PPP3CA: variants seen among roughly 807,000 people sequenced by gnomAD.
PPP3CA encodes protein phosphatase 3 catalytic subunit alpha, also known as CAM-PRP catalytic subunit.
PPP3CA carries 14 observed loss-of-function variants against 66.5 expected under a neutral mutation model. That is an observed-to-expected ratio of 0.21 (90% confidence interval 0.14 to 0.33). The LOEUF (loss-of-function observed/expected upper bound fraction) is 0.33, where lower values mean the gene tolerates loss of function less well. Ranked by LOEUF, PPP3CA falls within the 10% of genes least tolerant of loss-of-function variation. PPP3CA has a pLI of 1.00. For missense variants in PPP3CA, 317 were observed against 639.5 expected (o/e 0.50, Z 5.44); for synonymous variants, 232 against 226.2 (o/e 1.03, Z -0.23).
chr4:101,065,649 C>T lies in PPP3CA; in HGVS notation c.956-2292G>A, dbSNP rs116233368. 9.6e-3 allele frequency among the ~76,000 whole-genome samples: 1,459 copies of T among 152,214 alleles called. 8 individuals carry two copies. Among genetic ancestry groups the T allele is most frequent in the Non-Finnish European group, 0.016 (1,072 of 67,986 alleles). On this transcript the variant is annotated intron_variant, in intron 8 of 13. Transcript: ENST00000394854. Reference sequence around the variant, plus strand: ...TATTTAAACTCAGCTTTTTCTGACACCAAATTCATTCCCTTTCTTTCATTC... The same window carrying T: ...TATTTAAACTCAGCTTTTTCTGACATCAAATTCATTCCCTTTCTTTCATTC...
chr4:101,196,081 T>C lies in PPP3CA; in HGVS notation c.94A>G (p.Lys32Glu). 1 of 1,614,040 alleles carries C rather than the reference T, an allele frequency of 6.2e-7. No individual in the cohort carries two copies. The highest frequency in any genetic ancestry group is 8.5e-7 in the Non-Finnish European group (1 of 1,179,970). ...TTTCCATCATTATCAAACACTTCTT[T>C]TGCTGTAAGCCGGTGACTTGGAGGA... ...PFPPSHRLTA[K>E]EVFDNDGKPR... The change falls in exon 2 of 14, where the codon AAA becomes GAA. Residue 32 changes from lysine (K) to glutamate (E), a missense_variant. By Grantham distance (56) the Lys-to-Glu change is moderately conservative. This residue lies in a region of PPP3CA where 76 missense variants were observed against 99.5 expected (regional missense o/e 0.76). Coordinates refer to ENST00000394854, the MANE Select transcript of PPP3CA (RefSeq NM_000944.5).
chr4:101,242,391 T>C (rs1398581393), intron 1 of PPP3CA, among the ~76,000 whole-genome samples: 1 of 152,096 alleles, frequency 6.6e-6, no homozygotes, highest in African/African-American at 2.4e-5. Context: ...TTATTTCCAA[T>C]TGAAAACTGG....
intron 12 of PPP3CA, 152 bp from the exon 13 acceptor site, chr4:101,029,347 T>TAAAAAAAAAAAAAAAAAAAAAAAGAA (rs1726818285): frequency 1.3e-5 from 1 of 78,822 alleles, no homozygotes; most frequent in Non-Finnish European, 2.1e-5. Context: ...ACAGAAATGC[T>TAAAAAAAAAAAAAAAAAAAAAAAGAA]AAAAAAAAAA....
rs556325431 is a variant in PPP3CA, at chr4:101,032,378, T to C, written c.1242-14A>G. On this transcript the variant is annotated splice_polypyrimidine_tract_variant and intron_variant, in intron 11 of 13. Transcript: ENST00000394854. ...TCACTCTCTTCTCTGGAAGGCACAA[T>C]GAGGGGCGACATTAACTTTTAATTT... 2 of 1,600,082 alleles carry C rather than the reference T, an allele frequency of 1.2e-6. No individual in the cohort carries two copies. Among genetic ancestry groups the C allele is most frequent in the African/African-American group, 1.3e-5 (1 of 74,686 alleles).
chr4:101,243,296 T>A (rs1726371062), intron 1 of PPP3CA, among the ~76,000 whole-genome samples: 1 of 152,182 alleles, frequency 6.6e-6, no homozygotes, highest in Non-Finnish European at 1.5e-5. Flanking sequence ...TAGTGCATAC[T>A]CTTATTTGTA....
intron 1 of PPP3CA, among the ~76,000 whole-genome samples, chr4:101,326,073 T>C (rs1001008589): frequency 3.9e-5 from 6 of 151,942 alleles, no homozygotes; most frequent in African/African-American, 1.2e-4. Flanking sequence ...GAGGCAGAGG[T>C]TGCAGTGAGC....
chr4:101,048,211 T>A (rs1727852384), intron 10 of PPP3CA, among the ~76,000 whole-genome samples: 1 of 152,146 alleles, frequency 6.6e-6, no homozygotes, highest in African/African-American at 2.4e-5. Flanking sequence ...CGATAAGGCC[T>A]CCAGCCAAGG....
At chr4:101,259,545 A>G (rs1726949673) in intron 1 of PPP3CA, among the ~76,000 whole-genome samples, 1 of 152,190 alleles carries the variant, frequency 6.6e-6, no homozygotes. Context: ...GCTAAAAGTA[A>G]TATTTCTAAG....
intron 1 of PPP3CA, among the ~76,000 whole-genome samples, chr4:101,323,714 T>G (rs995543449): frequency 3.2e-4 from 49 of 152,208 alleles, no homozygotes; most frequent in Non-Finnish European, 5.3e-4. Context: ...TATATAGCAC[T>G]TAGTATGTGT....
chr4:101,177,831 C>CAA lies in PPP3CA; in HGVS notation c.259+18083_259+18084dup, dbSNP rs36034031. Among the ~76,000 whole-genome samples the CAA allele has an allele frequency of 8.7e-4, 126 of 145,272 alleles. 1 individual carries two copies. The highest frequency in any genetic ancestry group is 2.6e-3 in the African/African-American group (103 of 39,916). On this transcript the variant is annotated intron_variant, in intron 2 of 13. Coordinates refer to ENST00000394854, the MANE Select transcript of PPP3CA (RefSeq NM_000944.5). ...CCAGGAATGACTGTTGAATTAAGCACAAAAAAAAAACACAATTCCTATAAC... is the reference window on the plus strand; with the variant it reads ...CCAGGAATGACTGTTGAATTAAGCACAAAAAAAAAAAACACAATTCCTATAAC...
intron 1 of PPP3CA, among the ~76,000 whole-genome samples, chr4:101,336,555 A>G (rs1729639790): frequency 6.6e-6 from 1 of 151,342 alleles, no homozygotes; most frequent in African/African-American, 2.4e-5. Flanking sequence ...CCTGGGCAAC[A>G]GAGTGAAACT....
chr4:101,185,175 A>G (rs1187542335), intron 2 of PPP3CA, among the ~76,000 whole-genome samples: 1 of 152,172 alleles, frequency 6.6e-6, no homozygotes, highest in East Asian at 1.9e-4. Context: ...GAAAAAAAAA[A>G]AGTAAAATTT....
intron 1 of PPP3CA, among the ~76,000 whole-genome samples, chr4:101,333,249 A>C (rs1227078547): frequency 9.9e-5 from 13 of 130,868 alleles, no homozygotes. Context: ...CTGGGACTAC[A>C]GGCATGCACT....
chr4:101,261,263 C>T (rs1727000893), intron 1 of PPP3CA, among the ~76,000 whole-genome samples: 1 of 152,054 alleles, frequency 6.6e-6, no homozygotes, highest in Non-Finnish European at 1.5e-5. Context: ...CAGAGGTAAA[C>T]TCCTTCAAGA....
intron 1 of PPP3CA, among the ~76,000 whole-genome samples, chr4:101,262,863 T>G (rs186101981): frequency 3.9e-5 from 6 of 152,156 alleles, no homozygotes; most frequent in African/African-American, 1.4e-4. Flanking sequence ...TGTATTAAGC[T>G]TTACACACAT....
intron 1 of PPP3CA, among the ~76,000 whole-genome samples, chr4:101,323,160 A>C (rs1195984145): frequency 6.6e-6 from 1 of 152,038 alleles, no homozygotes. Flanking sequence ...TAGTATTCCT[A>C]TTGCTCCATT....
chr4:101,064,605 C>T (rs1285150511), intron 8 of PPP3CA, among the ~76,000 whole-genome samples: 1 of 152,010 alleles, frequency 6.6e-6, no homozygotes, highest in Non-Finnish European at 1.5e-5. Flanking sequence ...TGCTCAGGAG[C>T]TGGAGACACA....
chr4:101,219,468 C>A (rs1374560010), intron 1 of PPP3CA, among the ~76,000 whole-genome samples: 1 of 151,902 alleles, frequency 6.6e-6, no homozygotes, highest in Admixed American at 6.6e-5. Context: ...TTAAAAATAA[C>A]TAGATTTTGA....
chr4:101,134,464 T>C (rs1345435642), intron 2 of PPP3CA, among the ~76,000 whole-genome samples: 1 of 152,100 alleles, frequency 6.6e-6, no homozygotes, highest in Non-Finnish European at 1.5e-5. Context: ...GACATTTATG[T>C]GGCCAACAAA....
Sources: gnomAD v4.1 joint callset for allele counts (sites outside exome capture counted in the v4.1 genomes callset) on GRCh38, gnomAD v4.1.1 for gene constraint, gnomAD v4.1.1 regional missense constraint, MANE v1.5 for transcripts, NCBI Gene and HGNC (gene_info 2026-07-23, HGNC 2026-07-21) for gene names.